VIT: variants seen among roughly 807,000 people sequenced by gnomAD.
VIT encodes the protein vitrin.
Under a neutral mutation model 78.0 loss-of-function variants are expected in VIT, and 99 were observed. That is an observed-to-expected ratio of 1.27 (90% confidence interval 1.08 to 1.50). VIT has a LOEUF of 1.50. VIT is among the 40% of genes most tolerant of loss of function. The pLI is 0.00. For missense variants in VIT, 1,126 were observed against 875.3 expected (o/e 1.29, Z -3.61); for synonymous variants, 374 against 334.3 (o/e 1.12, Z -1.29).
intron 12 of VIT, among the ~76,000 whole-genome samples, chr2:36,796,425 T>C (rs566420611): frequency 6.6e-6 from 1 of 152,284 alleles, no homozygotes; most frequent in East Asian, 1.9e-4. Context: ...TCAGTGCTCA[T>C]GGCAACTGCA....
intron 6 of VIT, among the ~76,000 whole-genome samples, chr2:36,764,125 C>T (rs938245672): frequency 9.2e-5 from 14 of 152,152 alleles, no homozygotes; most frequent in African/African-American, 3.4e-4. Context: ...AAGATAATTC[C>T]GATTTTCAAT....
intron 4 of VIT, among the ~76,000 whole-genome samples, chr2:36,748,237 T>C (rs1374384023): frequency 2.0e-5 from 3 of 152,150 alleles, no homozygotes; most frequent in Non-Finnish European, 4.4e-5. Context: ...CTCACAGAGA[T>C]TTGCTGAATT....
intron 12 of VIT, among the ~76,000 whole-genome samples, chr2:36,789,921 T>C (rs570716751): frequency 1.6e-3 from 238 of 152,280 alleles, no homozygotes; most frequent in Middle Eastern, 0.01. Flanking sequence ...AGCTCAGAAC[T>C]GCTCCTTCCC....
intron 1 of VIT, among the ~76,000 whole-genome samples, chr2:36,704,089 C>T (rs1177954272): frequency 6.6e-6 from 1 of 151,938 alleles, no homozygotes; most frequent in Non-Finnish European, 1.5e-5. Flanking sequence ...CCATGCCTGG[C>T]TAATTTTTGT....
intron 2 of VIT, among the ~76,000 whole-genome samples, chr2:36,719,762 A>G (rs973281414): frequency 2.0e-5 from 3 of 152,174 alleles, no homozygotes; most frequent in Non-Finnish European, 2.9e-5. Flanking sequence ...AGCATGGAGA[A>G]ACCCTGTATC....
chr2:36,743,302 T>A (rs1285974836), intron 4 of VIT, 46 bp downstream of exon 4: 15 of 1,506,222 alleles, frequency 1.0e-5, no homozygotes, highest in Non-Finnish European at 1.3e-5. Context: ...AATCAGGGTG[T>A]TGGCAGGGAG....
At chr2:36,759,808 A>G in intron 6 of VIT, 1 of 425,824 alleles carries the variant, frequency 2.3e-6, no homozygotes, top group Non-Finnish European at 3.1e-6. Flanking sequence ...GCATTTATTG[A>G]GCATTTGCTG....
chr2:36,789,947 G>A (rs981713771), intron 12 of VIT, among the ~76,000 whole-genome samples: 1 of 152,130 alleles, frequency 6.6e-6, no homozygotes, highest in Admixed American at 6.5e-5. Context: ...TCTCCCCTCT[G>A]TTACCACTGC....
intron 2 of VIT, among the ~76,000 whole-genome samples, chr2:36,723,383 G>A (rs1666633258): frequency 6.6e-6 from 1 of 152,112 alleles, no homozygotes; most frequent in Non-Finnish European, 1.5e-5. Context: ...TAAGGCTCTT[G>A]AAATTGCTTT....
intron 2 of VIT, among the ~76,000 whole-genome samples, chr2:36,718,752 G>A (rs1234792712): frequency 1.3e-5 from 2 of 152,182 alleles, no homozygotes; most frequent in South Asian, 2.1e-4. Flanking sequence ...TATCCTCAGA[G>A]ACTGGGCAAG....
chr2:36,724,987 G>A (rs550373303), intron 2 of VIT, among the ~76,000 whole-genome samples: 1 of 152,246 alleles, frequency 6.6e-6, no homozygotes, highest in African/African-American at 2.4e-5. Context: ...AGCATTAAGT[G>A]AAAACATGGT....
chr2:36,737,518 A>C (rs980107632), intron 3 of VIT, among the ~76,000 whole-genome samples: 24 of 152,244 alleles, frequency 1.6e-4, no homozygotes, highest in African/African-American at 5.5e-4. Flanking sequence ...CTGTTGAAAT[A>C]GACTTAATTT....
Position 36,805,308 on chromosome 2 carries a change from G to GGA in VIT, c.1163-130_1163-129insGA. 3.2e-5 allele frequency: 19 copies of GGA among 585,214 alleles called. No homozygotes were observed. In the East Asian group the frequency reaches 9.0e-4, roughly 28 times the overall value. 36.3% of individuals were successfully genotyped at this position (585,214 alleles called of 1,614,324 possible). A position where few individuals can be genotyped will look rare whatever the true frequency, so the allele number is the denominator to read the frequency against. The stretch of plus-strand genomic sequence containing the variant: ...AACAGAGCAAGACCCTGTCTCAAAG[G>GGA]AAAAAAAAAAAAAAAAAAACTAGGG... On this transcript the variant is annotated intron_variant, in intron 13 of 15. Transcript: ENST00000379242.
chr2:36,788,809 G>A (rs1665281006), intron 12 of VIT, among the ~76,000 whole-genome samples: 3 of 152,128 alleles, frequency 2.0e-5, no homozygotes, highest in Non-Finnish European at 4.4e-5. Context: ...CTTGTATATA[G>A]CAAGCTTTAT....
intron 1 of VIT, among the ~76,000 whole-genome samples, chr2:36,699,294 A>G (rs1664871843): frequency 2.2e-5 from 1 of 45,696 alleles, no homozygotes; most frequent in Non-Finnish European, 7.1e-5. Flanking sequence ...TTCCCTCTCA[A>G]TCCTATGGTT....
intron 4 of VIT, among the ~76,000 whole-genome samples, chr2:36,749,909 T>G (rs1424599297): frequency 6.6e-6 from 1 of 152,188 alleles, no homozygotes; most frequent in Non-Finnish European, 1.5e-5. Flanking sequence ...CTCTCTGAAA[T>G]TTGAGGGAGC....
intron 3 of VIT, among the ~76,000 whole-genome samples, chr2:36,739,687 G>A (rs1198010937): frequency 6.6e-6 from 1 of 152,156 alleles, no homozygotes; most frequent in Non-Finnish European, 1.5e-5. Context: ...TTTCTGATAC[G>A]AAAGTGAGAG....
At chr2:36,779,599 T>A (rs1217742928) in intron 9 of VIT, among the ~76,000 whole-genome samples, 2 of 152,184 alleles carry the variant, frequency 1.3e-5, no homozygotes, top group Non-Finnish European at 2.9e-5. Flanking sequence ...CCATTAGCTA[T>A]TCTTCCTGAT....
rs138159472 is a variant in VIT at position 36,736,592 on chromosome 2, G to A, written c.119-6508G>A. On this transcript the variant is annotated intron_variant, in intron 3 of 15. Coordinates refer to ENST00000379242, the MANE Select transcript of VIT (RefSeq NM_053276.4). ...TCAGGTGAGATCACATTATGCAGATGGGAGCCATTGATGATTCCATGCAAC... is the reference window on the plus strand; with the variant it reads ...TCAGGTGAGATCACATTATGCAGATAGGAGCCATTGATGATTCCATGCAAC... 3.2e-3 allele frequency among the ~76,000 whole-genome samples: 491 copies of A among 152,344 alleles called. 2 individuals are homozygous for A. The highest frequency in any genetic ancestry group is 0.022 in the South Asian group (107 of 4,828).
Sources: gnomAD v4.1 joint callset for allele counts (sites outside exome capture counted in the v4.1 genomes callset) on GRCh38, gnomAD v4.1.1 for gene constraint, MANE v1.5 for transcripts, NCBI Gene and HGNC (gene_info 2026-07-23, HGNC 2026-07-21) for gene names.